Variants in HNRNPLL observed in about 807,000 individuals in gnomAD.
The protein encoded by HNRNPLL is heterogeneous nuclear ribonucleoprotein L like, also known as heterogeneous nuclear ribonucleoprotein L-like.
A neutral mutation model predicts 67.1 loss-of-function variants in HNRNPLL; 25 were observed. The ratio of observed to expected loss-of-function variants is 0.37; its 90% CI spans 0.27 to 0.52. The LOEUF (loss-of-function observed/expected upper bound fraction) is 0.52. Ranked by LOEUF, HNRNPLL falls within the 20% of genes least tolerant of loss-of-function variation. The probability of loss-of-function intolerance (pLI) is 0.90; values close to 1 mark genes in which losing one functional copy is unlikely to be tolerated. For synonymous variants in HNRNPLL, 267 were observed against 241.7 expected, an observed-to-expected ratio of 1.10 and a Z score of -0.97; for missense variants, 542 against 673.9, an observed-to-expected ratio of 0.80 and a Z score of 2.17.
At position 38,568,449 on chromosome 2, in the gene HNRNPLL, A is replaced by C; in HGVS notation, c.1417-6T>G. On this transcript the variant is annotated splice_region_variant and splice_polypyrimidine_tract_variant and intron_variant, in intron 10 of 12. Transcript: ENST00000449105. ...ACTTCATGGTCATTACACAACTGTC[A>C]AAGAAAGTAAAACTTCATTAAAAAT... The C allele has an allele frequency of 5.8e-6, 9 of 1,558,654 alleles. No homozygotes were observed. The highest frequency in any genetic ancestry group is 7.9e-6 in the Non-Finnish European group (9 of 1,145,038).
chr2:38,585,415 T>C (rs562174069), intron 3 of HNRNPLL, among the ~76,000 whole-genome samples: 1 of 152,364 alleles, frequency 6.6e-6, no homozygotes, highest in South Asian at 2.1e-4. Context: ...GTACTGATTA[T>C]ACATTAAAAA....
chr2:38,581,758 T>G, intron 6 of HNRNPLL, 155 bp downstream of exon 6: 1 of 636,828 alleles, frequency 1.6e-6, no homozygotes, highest in Non-Finnish European at 2.8e-6. Context: ...ATGTTCAAGG[T>G]TATTTTCCAG....
At chr2:38,564,375 T>C (rs1277415066) in intron 12 of HNRNPLL, 138 bp from the exon 13 acceptor site, 7 of 561,350 alleles carry the variant, frequency 1.2e-5, no homozygotes, top group African/African-American at 2.0e-5. Flanking sequence ...TATAAAGAAG[T>C]AAAATTGGCC....
intron 2 of HNRNPLL, among the ~76,000 whole-genome samples, chr2:38,591,246 T>C (rs1487715610): frequency 6.6e-6 from 1 of 151,890 alleles, no homozygotes; most frequent in Non-Finnish European, 1.5e-5. Context: ...CACGGACTCA[T>C]TTGAAAATCA....
At chr2:38,585,569 A>C in intron 3 of HNRNPLL, 75 bp downstream of exon 3, 1 of 862,326 alleles carries the variant, frequency 1.2e-6, no homozygotes, top group Non-Finnish European at 1.9e-6. Context: ...GGCAATGAAA[A>C]AACTACAGAT....
intron 2 of HNRNPLL, among the ~76,000 whole-genome samples, chr2:38,590,103 A>T (rs750901080): frequency 6.6e-6 from 1 of 152,242 alleles, no homozygotes; most frequent in Non-Finnish European, 1.5e-5. Flanking sequence ...CACTTTCAAC[A>T]TACAAACTTT....
intron 7 of HNRNPLL, among the ~76,000 whole-genome samples, chr2:38,576,463 T>C (rs1040523496): frequency 6.6e-6 from 1 of 151,870 alleles, no homozygotes; most frequent in African/African-American, 2.4e-5. Flanking sequence ...ATTTTCATTC[T>C]ATACCACACT....
chr2:38,565,967 T>TA (rs1399014881), intron 12 of HNRNPLL: 1 of 831,738 alleles, frequency 1.2e-6, no homozygotes, highest in African/African-American at 1.9e-5. Flanking sequence ...AATCATTCAT[T>TA]GTTTTTTTTT....
At chr2:38,587,819 A>C (rs2148369433) in intron 2 of HNRNPLL, among the ~76,000 whole-genome samples, 1 of 152,238 alleles carries the variant, frequency 6.6e-6, no homozygotes, top group Admixed American at 6.5e-5. Context: ...CCGATGTAGG[A>C]AGTGGGGCCT....
In HNRNPLL at chr2:38,562,986, T is replaced by C. The variant is rs941919321; in HGVS notation, c.*1196A>G. On this transcript the variant is annotated 3_prime_UTR_variant, in exon 13 of 13. Coordinates refer to ENST00000449105, the MANE Select transcript of HNRNPLL (RefSeq NM_138394.4). The stretch of plus-strand genomic sequence containing the variant: ...AAACTGATATTGTCAACTACTGATA[T>C]CAGTTATTCTAGGTAGATGACACAT... 2 of 152,118 alleles carry C rather than the reference T, an allele frequency of 1.3e-5. No homozygotes were observed. The highest frequency in any genetic ancestry group is 4.8e-5 in the African/African-American group (2 of 41,446). The allele number at this position is 152,118 out of a possible 1,614,324, so 9.4% of individuals were successfully genotyped here. A position where few individuals can be genotyped will look rare whatever the true frequency, so the allele number is the denominator to read the frequency against.
At chr2:38,600,272 C>CT (rs1667374060) in intron 1 of HNRNPLL, among the ~76,000 whole-genome samples, 1 of 148,698 alleles carries the variant, frequency 6.7e-6, no homozygotes, top group African/African-American at 2.4e-5. Flanking sequence ...ATACCTCAAT[C>CT]TGCTTATATC....
chr2:38,575,193 T>C (rs535350362), intron 7 of HNRNPLL, among the ~76,000 whole-genome samples: 1 of 151,958 alleles, frequency 6.6e-6, no homozygotes, highest in South Asian at 2.1e-4. Flanking sequence ...TATTAAATTA[T>C]CTTATCTATA....
rs1454536615 is a variant in HNRNPLL at position 38,566,904 on chromosome 2, AAAAC to A, written c.1573+1291_1573+1294del. 4.6e-5 allele frequency among the ~76,000 whole-genome samples: 7 copies of A among 152,222 alleles called. 1 individual carries two copies. The East Asian group carries it at 7.7e-4, about 17-fold the overall frequency. On this transcript the variant is annotated intron_variant, in intron 12 of 12. Transcript: ENST00000449105. The stretch of plus-strand genomic sequence containing the variant: ...AGGATGTTTATTACAATAACAGAAA[AAAAC>A]AAACAGAAGCAACCAGACTGTTCAT...
chr2:38,586,332 G>A (rs1356142105), intron 2 of HNRNPLL, among the ~76,000 whole-genome samples: 1 of 152,102 alleles, frequency 6.6e-6, no homozygotes, highest in Non-Finnish European at 1.5e-5. Flanking sequence ...ATCATCTGAA[G>A]AATTGTGGTA....
At chr2:38,580,005 G>A (rs1012687306) in intron 6 of HNRNPLL, among the ~76,000 whole-genome samples, 1 of 152,070 alleles carries the variant, frequency 6.6e-6, no homozygotes, top group Admixed American at 6.6e-5. Context: ...AAACTTATCT[G>A]ACTAGAATTA....
Position 38,602,434 on chromosome 2 carries a change from T to G in HNRNPLL, c.189+4A>C. ...CAGCGGACAGGGGGGCCGCGCTTTG[T>G]TACCGGCTGAGAGAAGCTCCGGCCG... On this transcript the variant is annotated splice_donor_region_variant and intron_variant, in intron 1 of 12. Coordinates refer to ENST00000449105, the MANE Select transcript of HNRNPLL (RefSeq NM_138394.4). 6.5e-7 allele frequency: 1 copy of G among 1,539,940 alleles called. No individual in the cohort carries two copies. The highest frequency in any genetic ancestry group is 2.4e-5 in the East Asian group (1 of 41,300).
rs151287045 is a variant in HNRNPLL, at chr2:38,594,795, G to C, written c.190-3147C>G. 7.8e-4 allele frequency among the ~76,000 whole-genome samples: 119 copies of C among 151,914 alleles called. 3 individuals are homozygous for C. In the East Asian group the frequency reaches 0.014, roughly 17 times the overall value. On this transcript the variant is annotated intron_variant, in intron 1 of 12. Transcript: ENST00000449105. ...CAAAACCCCATCTCTACTAAAATTA[G>C]AAAAATGAGCTGGGCGTGGTGGTGC...
At position 38,585,627 on chromosome 2, in the gene HNRNPLL, C is replaced by A; in HGVS notation, c.546+17G>T. ...CAAAATCACTTTTAATTTCATTTGT[C>A]ATATTAAAACACATACCACTGTAAT... On this transcript the variant is annotated intron_variant, in intron 3 of 12. Coordinates refer to ENST00000449105, the MANE Select transcript of HNRNPLL (RefSeq NM_138394.4). The A allele has an allele frequency of 6.8e-7, 1 of 1,463,082 alleles. No individual in the cohort carries two copies. The highest frequency in any genetic ancestry group is 1.1e-5 in the South Asian group (1 of 87,838). The allele number at this position is 1,463,082 out of a possible 1,614,324, so 90.6% of individuals were successfully genotyped here.
intron 1 of HNRNPLL, 65 bp from the exon 2 acceptor site, chr2:38,591,713 C>A: frequency 1.0e-6 from 1 of 976,894 alleles, no homozygotes; most frequent in South Asian, 1.4e-5. Flanking sequence ...CGGTGGCTCA[C>A]GCCTGTAATC....
Sources: gnomAD v4.1 joint callset for allele counts (sites outside exome capture counted in the v4.1 genomes callset) on GRCh38, gnomAD v4.1.1 for gene constraint, MANE v1.5 for transcripts, NCBI Gene and HGNC (gene_info 2026-07-23, HGNC 2026-07-21) for gene names.